The following NDE1 variants were observed in gnomAD, a reference collection of about 807,000 sequenced individuals.
NDE1 encodes the protein nudE neurodevelopment protein 1, also known as nuclear distribution protein nudE homolog 1.
NDE1 carries 28 observed loss-of-function variants against 43.4 expected under a neutral mutation model. The ratio of observed to expected loss-of-function variants is 0.65; its 90% CI spans 0.48 to 0.89. NDE1 has a LOEUF of 0.89. Ranked by LOEUF, NDE1 falls within the 40% of genes least tolerant of loss-of-function variation. The pLI is 0.00. For synonymous variants in NDE1, 184 were observed against 172.0 expected, an observed-to-expected ratio of 1.07 and a Z score of -0.55; for missense variants, 441 against 434.1, an observed-to-expected ratio of 1.02 and a Z score of -0.14.
At chr16:15,677,589 A>C (rs1424915492) in intron 3 of NDE1, among the ~76,000 whole-genome samples, 2 of 150,700 alleles carry the variant, frequency 1.3e-5, no homozygotes. Flanking sequence ...CGGCCTCAAA[A>C]GAAAAAAAAA....
At chr16:15,684,556 G>C (rs1179258142) in intron 4 of NDE1, 1 of 148,004 alleles carries the variant, frequency 6.8e-6, no homozygotes, top group East Asian at 1.9e-4. Context: ...TGACAAGAGT[G>C]GAACTCCATC....
At chr16:15,694,006 G>A (rs1297282842) in intron 6 of NDE1, among the ~76,000 whole-genome samples, 159 bp from the exon 7 acceptor site, 1 of 152,224 alleles carries the variant, frequency 6.6e-6, no homozygotes, top group Non-Finnish European at 1.5e-5. Flanking sequence ...GGCCTTGGGT[G>A]TGTGATGCGG....
At chr16:15,703,200 C>T (rs1276893764) in intron 8 of NDE1, 3 of 205,890 alleles carry the variant, frequency 1.5e-5, no homozygotes, top group Non-Finnish European at 3.0e-5. Flanking sequence ...AACAGTGCAG[C>T]ATTCCTGCTC....
chr16:15,706,405 G>A (rs1596667886), intron 8 of NDE1, among the ~76,000 whole-genome samples: 1 of 149,518 alleles, frequency 6.7e-6, no homozygotes, highest in Admixed American at 7.7e-5. Flanking sequence ...TTAACTCCAG[G>A]TTCAAACCCT....
At chr16:15,695,033 A>G (rs1050303115) in intron 7 of NDE1, 2 of 454,540 alleles carry the variant, frequency 4.4e-6, no homozygotes, top group Non-Finnish European at 2.9e-6. Flanking sequence ...GAATGCAAAA[A>G]TTAGCCAGGC....
chr16:15,689,494 A>G (rs2038620164), intron 5 of NDE1, among the ~76,000 whole-genome samples: 1 of 152,184 alleles, frequency 6.6e-6, no homozygotes, highest in Non-Finnish European at 1.5e-5. Context: ...CCTGTCTCTA[A>G]AACAAAAATC....
In NDE1 at chr16:15,725,634, G is replaced by A. The variant is rs1265003834; in HGVS notation, c.*1383G>A. 1.7e-5 allele frequency: 7 copies of A among 401,040 alleles called. No homozygotes were observed. Among genetic ancestry groups the A allele is most frequent in the South Asian group, 1.2e-4 (1 of 8,074 alleles). The allele number at this position is 401,040 out of a possible 1,614,324, so 24.8% of individuals were successfully genotyped here. Reference sequence around the variant, plus strand: ...TGAATGATCTTGACACTGCTTATATGAGGGCGGCAAAAGCCCTGCTCTCAA... The same window carrying A: ...TGAATGATCTTGACACTGCTTATATAAGGGCGGCAAAAGCCCTGCTCTCAA... On this transcript the variant is annotated 3_prime_UTR_variant, in exon 9 of 9. Coordinates refer to ENST00000396354, the MANE Select transcript of NDE1 (RefSeq NM_017668.3).
chr16:15,707,071 C>A (rs963159140), intron 8 of NDE1, among the ~76,000 whole-genome samples: 1 of 152,090 alleles, frequency 6.6e-6, no homozygotes, highest in Admixed American at 6.6e-5. Flanking sequence ...TAGAGTCTCG[C>A]TGTGTTGCCC....
At chr16:15,688,575 G>T (rs1186825862) in intron 5 of NDE1, among the ~76,000 whole-genome samples, 2 of 137,378 alleles carry the variant, frequency 1.5e-5, no homozygotes, top group African/African-American at 5.5e-5. Flanking sequence ...GGAGGTTGTA[G>T]TGAGCCAAAA....
intron 8 of NDE1, among the ~76,000 whole-genome samples, chr16:15,706,553 C>A (rs2039467033): frequency 6.6e-6 from 1 of 152,062 alleles, no homozygotes; most frequent in African/African-American, 2.4e-5. Flanking sequence ...ACTAAATATA[C>A]TAAATTAGCC....
At chr16:15,676,123 T>C (rs532001683) in intron 3 of NDE1, among the ~76,000 whole-genome samples, 2 of 150,854 alleles carry the variant, frequency 1.3e-5, no homozygotes, top group Non-Finnish European at 3.0e-5. Flanking sequence ...CTCCCTCCCT[T>C]CCTCTCTCCT....
At chr16:15,689,582 A>T (rs2038624610) in intron 5 of NDE1, among the ~76,000 whole-genome samples, 1 of 152,196 alleles carries the variant, frequency 6.6e-6, no homozygotes, top group African/African-American at 2.4e-5. Context: ...AGTAATGCTT[A>T]ATAAAAAATT....
Position 15,724,441 on chromosome 16 carries a change from G to T in NDE1, c.*190G>T. ...GGACAGCGTCCAGGGTAGGGTGAGA[G>T]GGGGACCATGAGTGGCCCCTGTCCC... On this transcript the variant is annotated 3_prime_UTR_variant, in exon 9 of 9. Transcript: ENST00000396354. 6.2e-7 allele frequency: 1 copy of T among 1,612,798 alleles called. No homozygotes were observed. The highest frequency in any genetic ancestry group is 8.5e-7 in the Non-Finnish European group (1 of 1,179,840).
intron 8 of NDE1, chr16:15,715,145 G>T: frequency 6.2e-7 from 1 of 1,612,930 alleles, no homozygotes. Flanking sequence ...CTCGAGGGAG[G>T]CTGGGTGGCA....
At chr16:15,678,637 A>G (rs2038009225) in intron 4 of NDE1, among the ~76,000 whole-genome samples, 1 of 152,102 alleles carries the variant, frequency 6.6e-6, no homozygotes, top group Non-Finnish European at 1.5e-5. Context: ...CACTGCGCCC[A>G]GCCCAGTGAT....
At chr16:15,700,828 C>T (rs755710309) in intron 8 of NDE1, among the ~76,000 whole-genome samples, 3 of 152,070 alleles carry the variant, frequency 2.0e-5, no homozygotes, top group Non-Finnish European at 4.4e-5. Flanking sequence ...AGAGGCTCTT[C>T]CCCCCAACTC....
At chr16:15,705,369 G>GT (rs2039390268) in intron 8 of NDE1, among the ~76,000 whole-genome samples, 1 of 152,164 alleles carries the variant, frequency 6.6e-6, no homozygotes, top group African/African-American at 2.4e-5. Flanking sequence ...TCTCTCTTGA[G>GT]TTTATCACCT....
rs1425013438 is a variant in NDE1, at chr16:15,717,157, C to T, written c.948-7034C>T. 1 of 1,614,220 alleles carries T rather than the reference C, an allele frequency of 6.2e-7. No individual in the cohort carries two copies. Among genetic ancestry groups the T allele is most frequent in the Non-Finnish European group, 8.5e-7 (1 of 1,180,042 alleles). Reference sequence around the variant, plus strand: ...CCGCATACCTGGCCTCCTGCTCGACCTGCTCCTCCAGCTGTGCAATCTTGG... The same window carrying T: ...CCGCATACCTGGCCTCCTGCTCGACTTGCTCCTCCAGCTGTGCAATCTTGG... On this transcript the variant is annotated intron_variant, in intron 8 of 8. Transcript: ENST00000396354.
At chr16:15,659,625 T>A (rs1486397432) in intron 1 of NDE1, among the ~76,000 whole-genome samples, 1 of 151,596 alleles carries the variant, frequency 6.6e-6, no homozygotes, top group Non-Finnish European at 1.5e-5. Context: ...TTAGTAGAGA[T>A]GGGGTTTCAG....
Sources: allele counts gnomAD v4.1 joint callset (sites outside exome capture counted in the v4.1 genomes callset), GRCh38; gene constraint gnomAD v4.1.1; transcripts MANE v1.5; gene names NCBI Gene and HGNC (gene_info 2026-07-23, HGNC 2026-07-21).